The following SGCD variants were observed in gnomAD, a reference collection of about 807,000 sequenced individuals.
The protein encoded by SGCD is sarcoglycan delta.
Under a neutral mutation model 36.6 loss-of-function variants are expected in SGCD, and 18 were observed. The observed-to-expected ratio is 0.49, with a 90% CI of 0.34 to 0.73. The LOEUF is 0.73. Ranked by LOEUF, SGCD falls within the 30% of genes least tolerant of loss-of-function variation. SGCD has a pLI of 0.01. For missense variants in SGCD, 387 were observed against 346.7 expected (o/e 1.12, Z -0.92); for synonymous variants, 133 against 130.6 (o/e 1.02, Z -0.12).
chr5:156,335,775 C>G (rs1768322246), intron 2 of SGCD, among the ~76,000 whole-genome samples: 1 of 152,256 alleles, frequency 6.6e-6, no homozygotes, highest in African/African-American at 2.4e-5. Context: ...TTTTGACGCC[C>G]CATGTCTCAA....
At chr5:156,246,766 C>T (rs1215707598) in intron 3 of SGCD, among the ~76,000 whole-genome samples, 1 of 152,090 alleles carries the variant, frequency 6.6e-6, no homozygotes, top group African/African-American at 2.4e-5. Context: ...TAATTCAGCA[C>T]CTTTTTCTAT....
intron 6 of SGCD, among the ~76,000 whole-genome samples, chr5:156,596,939 G>A (rs1760950096): frequency 6.6e-6 from 1 of 151,966 alleles, no homozygotes; most frequent in Non-Finnish European, 1.5e-5. Flanking sequence ...ATACTGTCCT[G>A]TCCCAGTCTC....
intron 3 of SGCD, among the ~76,000 whole-genome samples, chr5:156,290,715 G>C (rs2127677772): frequency 6.6e-6 from 1 of 152,162 alleles, no homozygotes; most frequent in South Asian, 2.1e-4. Context: ...TGGTTTGATA[G>C]GTATACCTCT....
At chr5:156,571,381 T>C (rs1040497098) in intron 4 of SGCD, among the ~76,000 whole-genome samples, 1 of 152,098 alleles carries the variant, frequency 6.6e-6, no homozygotes, top group African/African-American at 2.4e-5. Flanking sequence ...TTTTTTTTGG[T>C]CTTTCTTTCT....
At chr5:156,693,146 A>G (rs927782340) in intron 7 of SGCD, among the ~76,000 whole-genome samples, 8 of 152,190 alleles carry the variant, frequency 5.3e-5, no homozygotes, top group African/African-American at 1.7e-4. Flanking sequence ...GCCATATTCA[A>G]CCAGAACTTA....
chr5:155,750,105 A>C, the SGCD span, among the ~76,000 whole-genome samples: 1 of 152,220 alleles, frequency 6.6e-6, no homozygotes, highest in Non-Finnish European at 1.5e-5. Context: ...TTAGTTTAAA[A>C]GTTTAGTCTG....
chr5:156,249,868 A>T (rs929213500), intron 3 of SGCD, among the ~76,000 whole-genome samples: 2 of 152,236 alleles, frequency 1.3e-5, no homozygotes, highest in African/African-American at 4.8e-5. Flanking sequence ...GAAAAACCAA[A>T]ATCATAAACT....
the SGCD span, among the ~76,000 whole-genome samples, chr5:155,813,599 T>A: frequency 7.2e-5 from 11 of 152,316 alleles, no homozygotes; most frequent in South Asian, 2.1e-4. Context: ...TTTTGTGTTG[T>A]TGAGTTTGGC....
At chr5:156,679,141 T>G (rs1316588067) in intron 7 of SGCD, among the ~76,000 whole-genome samples, 1 of 152,218 alleles carries the variant, frequency 6.6e-6, no homozygotes, top group African/African-American at 2.4e-5. Flanking sequence ...AATATTTACC[T>G]AAAAGTGATT....
At chr5:156,325,183 T>C (rs1767774983), upstream of SGCD, among the ~76,000 whole-genome samples, 1 of 152,066 alleles carries the variant, frequency 6.6e-6, no homozygotes, top group Non-Finnish European at 1.5e-5. Context: ...GCGGTATAGC[T>C]GGCTTAATGT....
intron 7 of SGCD, among the ~76,000 whole-genome samples, chr5:156,753,954 AACATCAAAGG>A (rs1308919676): frequency 1.3e-5 from 2 of 152,198 alleles, no homozygotes; most frequent in Non-Finnish European, 2.9e-5. Flanking sequence ...AGTCTGCTTG[AACATCAAAGG>A]ACATTAAGCT....
At chr5:156,141,031 C>A (rs1264804488) in intron 3 of SGCD, among the ~76,000 whole-genome samples, 1 of 152,156 alleles carries the variant, frequency 6.6e-6, no homozygotes, top group African/African-American at 2.4e-5. Flanking sequence ...TTCCTGAATT[C>A]CAGCACACTG....
intron 1 of SGCD, among the ~76,000 whole-genome samples, chr5:156,116,037 C>G (rs1248538476): frequency 6.6e-6 from 1 of 152,056 alleles, no homozygotes; most frequent in African/African-American, 2.4e-5. Context: ...TTATTAGGGG[C>G]TACAAAACTT....
intron 3 of SGCD, among the ~76,000 whole-genome samples, chr5:156,439,780 G>A (rs1386494296): frequency 2.6e-5 from 4 of 152,098 alleles, no homozygotes; most frequent in Non-Finnish European, 5.9e-5. Flanking sequence ...AGCTCACTGT[G>A]CAGGATGCTC....
At chr5:156,648,571 A>C (rs1331508310) in intron 7 of SGCD, among the ~76,000 whole-genome samples, 2 of 152,158 alleles carry the variant, frequency 1.3e-5, no homozygotes, top group Non-Finnish European at 2.9e-5. Context: ...GTAAGGAAAT[A>C]AATTGGGCCA....
chr5:156,704,354 T>C (rs938739112), intron 7 of SGCD: 2 of 152,184 alleles, frequency 1.3e-5, no homozygotes, highest in African/African-American at 2.4e-5. Context: ...TTGGATCACA[T>C]GCTTATTCCT....
intron 3 of SGCD, among the ~76,000 whole-genome samples, chr5:156,220,229 A>T (rs1213927668): frequency 6.6e-6 from 1 of 152,094 alleles, no homozygotes; most frequent in Admixed American, 6.6e-5. Context: ...GTATTTCTGC[A>T]GTTTTATTGC....
chr5:156,533,526 T>G (rs149457552), intron 4 of SGCD, among the ~76,000 whole-genome samples: 2 of 152,326 alleles, frequency 1.3e-5, no homozygotes, highest in East Asian at 3.9e-4. Context: ...TTCTCAGAGT[T>G]CAGCAAAATG....
chr5:156,695,508 GATGGATAGATAGATAGATAGATAGATA>G lies in SGCD; in HGVS notation c.575+47973_575+47999del, dbSNP rs1561861891. Among the ~76,000 whole-genome samples, 1,114 of 138,426 alleles carry G rather than the reference GATGGATAGATAGATAGATAGATAGATA, an allele frequency of 8.0e-3. 14 individuals are homozygous for G. The highest frequency in any genetic ancestry group is 0.045 in the East Asian group (227 of 4,998). The allele number at this position is 138,426 out of a possible 152,430, so 90.8% of individuals were successfully genotyped here. On this transcript the variant is annotated intron_variant, in intron 7 of 8. Coordinates refer to ENST00000337851, the MANE Select transcript of SGCD (RefSeq NM_000337.6). The stretch of plus-strand genomic sequence containing the variant: ...CGATAGATAGATAGATAGATAGATA[GATGGATAGATAGATAGATAGATAGATA>G]GATAGATAGATAGATAGATAGATAG...
Sources: allele counts gnomAD v4.1 joint callset (sites outside exome capture counted in the v4.1 genomes callset), GRCh38; gene constraint gnomAD v4.1.1; transcripts MANE v1.5; gene names NCBI Gene and HGNC (gene_info 2026-07-23, HGNC 2026-07-21).